The following CD82 variants were observed in gnomAD, a reference collection of about 807,000 sequenced individuals.
CD82 encodes CD82 antigen.
CD82 carries 36 observed loss-of-function variants against 37.4 expected under a neutral mutation model. That is an observed-to-expected ratio of 0.96 (90% confidence interval 0.74 to 1.27). CD82 has a LOEUF of 1.27. Among genes scored for constraint, CD82 ranks in the 50% most tolerant of loss-of-function variants. CD82 has a pLI of 0.00. For synonymous variants in CD82, 158 were observed against 137.4 expected (o/e 1.15, Z -1.05); for missense variants, 340 against 347.0 (o/e 0.98, Z 0.16).
chr11:44,619,092 A>T lies in CD82; in HGVS notation c.770A>T (p.His257Leu). Reference sequence around the variant, plus strand: ...TCCATCTGCTTGTGCCGGCACGTCCATTCCGAAGACTACAGCAAGGTCCCC... The same window carrying T: ...TCCATCTGCTTGTGCCGGCACGTCCTTTCCGAAGACTACAGCAAGGTCCCC... ...VLSICLCRHVHSEDYSKVPKY is the reference protein window; with the variant it reads ...VLSICLCRHVLSEDYSKVPKY Residue 257 changes from histidine (H) to leucine (L), a missense_variant, in exon 10 of 10, where the codon CAT (histidine) becomes CTT (leucine). Physicochemically the swap from His to Leu is moderately conservative, Grantham distance 99. Coordinates refer to ENST00000227155, the MANE Select transcript of CD82 (RefSeq NM_002231.4). 6.2e-7 allele frequency: 1 copy of T among 1,613,482 alleles called. No individual in the cohort carries two copies. The highest frequency in any genetic ancestry group is 8.5e-7 in the Non-Finnish European group (1 of 1,179,828).
chr11:44,586,716 C>T (rs1372186144), intron 1 of CD82, among the ~76,000 whole-genome samples: 1 of 152,196 alleles, frequency 6.6e-6, no homozygotes, highest in Non-Finnish European at 1.5e-5. Flanking sequence ...CCCATCTCTA[C>T]CCCAATCCAG....
At chr11:44,609,544 T>G (rs951063061) in intron 6 of CD82, among the ~76,000 whole-genome samples, 2 of 152,104 alleles carry the variant, frequency 1.3e-5, no homozygotes, top group Non-Finnish European at 2.9e-5. Flanking sequence ...CCCAGAGATG[T>G]TGGTCAGGGG....
intron 3 of CD82, among the ~76,000 whole-genome samples, chr11:44,596,025 T>A (rs1242881903): frequency 6.6e-6 from 1 of 151,888 alleles, no homozygotes; most frequent in African/African-American, 2.4e-5. Context: ...CATACACGCA[T>A]GCACACACAC....
Position 44,594,641 on chromosome 11 carries a change from A to G in CD82, c.-20-2A>G. 1 of 1,605,360 alleles carries G rather than the reference A, an allele frequency of 6.2e-7. No individual in the cohort carries two copies. Among genetic ancestry groups the G allele is most frequent in the Non-Finnish European group, 8.5e-7 (1 of 1,171,952 alleles). On this transcript the variant is annotated splice_acceptor_variant, in intron 2 of 9. Coordinates refer to ENST00000227155, the MANE Select transcript of CD82 (RefSeq NM_002231.4). LOFTEE classifies it low-confidence loss of function (5UTR_SPLICE). ...CTGGCCTGCCTGCCTTCTCTCTTCC[A>G]GGAAGCTCCAGGACTGGCGGGATGG...
At chr11:44,574,605 G>C (rs973954964) in intron 1 of CD82, among the ~76,000 whole-genome samples, 1 of 152,178 alleles carries the variant, frequency 6.6e-6, no homozygotes, top group Non-Finnish European at 1.5e-5. Flanking sequence ...GAAGAAAGAG[G>C]GTTTTTTTTG....
chr11:44,609,137 G>A (rs73458587), intron 6 of CD82, among the ~76,000 whole-genome samples: 3,105 of 152,244 alleles, frequency 0.02, 105 homozygotes, highest in African/African-American at 0.072. Context: ...AGCCTCTGGT[G>A]AGCAGAGCCC....
At chr11:44,614,273 C>A (rs1027298601) in intron 6 of CD82, among the ~76,000 whole-genome samples, 1 of 152,198 alleles carries the variant, frequency 6.6e-6, no homozygotes, top group Non-Finnish European at 1.5e-5. Flanking sequence ...GTCTTGGGGG[C>A]CCTGTTTGGA....
Position 44,619,289 on chromosome 11 carries a change from G to A in CD82, c.*163G>A. 1.6e-6 allele frequency: 1 copy of A among 612,930 alleles called. No homozygotes were observed. Among genetic ancestry groups the A allele is most frequent in the South Asian group, 1.9e-5 (1 of 52,652 alleles). 38.0% of individuals were successfully genotyped at this position (612,930 alleles called of 1,614,324 possible). ...TTCTGGGGCCTAGCGATCTCTCCTGGCCTATCCGCTGCCAGCCTTGAGCCC... is the reference window on the plus strand; with the variant it reads ...TTCTGGGGCCTAGCGATCTCTCCTGACCTATCCGCTGCCAGCCTTGAGCCC... On this transcript the variant is annotated 3_prime_UTR_variant, in exon 10 of 10. Transcript: ENST00000227155.
intron 1 of CD82, chr11:44,566,317 T>C (rs576728423): frequency 2.8e-4 from 43 of 152,318 alleles, no homozygotes; most frequent in African/African-American, 1.0e-3. Context: ...GGAAACTCAG[T>C]GGGGCTTTTC....
intron 3 of CD82, among the ~76,000 whole-genome samples, chr11:44,599,794 GT>G (rs1565089652): frequency 6.6e-6 from 1 of 152,246 alleles, no homozygotes; most frequent in East Asian, 1.9e-4. Context: ...AGCCTTTCTT[GT>G]TTGGGAAGCT....
Position 44,605,092 on chromosome 11 carries a change from T to A in CD82, c.171T>A (p.Tyr57Ter), listed in dbSNP as rs143270517. Residue 57 changes from tyrosine (Y) to a stop codon, truncating the protein, a stop_gained, in exon 5 of 10, where the codon TAT becomes TAA. Coordinates refer to ENST00000227155, the MANE Select transcript of CD82 (RefSeq NM_002231.4). LOFTEE classifies it high-confidence loss of function. ...CCAGCTCGCTTAGGATGGGGGCCTA[T>A]GTCTTCATCGGCGTGGGGGCAGTCA... ...TSSSSLRMGA[Y>*]VFIGVGAVTM... 3 of 1,614,102 alleles carry A rather than the reference T, an allele frequency of 1.9e-6. No homozygotes were observed. The highest frequency in any genetic ancestry group is 1.7e-5 in the Admixed American group (1 of 60,014).
chr11:44,577,193 A>AG (rs1269585804), intron 1 of CD82, among the ~76,000 whole-genome samples: 7 of 152,112 alleles, frequency 4.6e-5, no homozygotes, highest in Admixed American at 1.3e-4. Context: ...GTGGGGAAGG[A>AG]GGGGTTCAGC....
At chr11:44,586,925 C>T (rs1043539062) in intron 1 of CD82, among the ~76,000 whole-genome samples, 3 of 152,202 alleles carry the variant, frequency 2.0e-5, no homozygotes, top group Non-Finnish European at 2.9e-5. Flanking sequence ...CCTTGAGGAG[C>T]CCATATTCTA....
At chr11:44,595,592 G>A (rs10838312) in intron 3 of CD82, among the ~76,000 whole-genome samples, 38,070 of 151,922 alleles carry the variant, frequency 0.25, 5,865 homozygotes, top group East Asian at 0.53. Flanking sequence ...ATTTTTGAGA[G>A]GAGAAGAAAA....
intron 7 of CD82, among the ~76,000 whole-genome samples, chr11:44,615,892 C>T (rs1286080471): frequency 6.6e-6 from 1 of 152,176 alleles, no homozygotes; most frequent in African/African-American, 2.4e-5. Flanking sequence ...ATTATACCTC[C>T]ATTAAAGTGA....
Position 44,605,115 on chromosome 11 carries a change from T to A in CD82, c.194T>A (p.Val65Asp), listed in dbSNP as rs1219930695. ...GAYVFIGVGA[V>D]TMLMGFLGCI... Reference sequence around the variant, plus strand: ...TATGTCTTCATCGGCGTGGGGGCAGTCACTATGCTCATGGGCTTCCTGGGC... The same window carrying A: ...TATGTCTTCATCGGCGTGGGGGCAGACACTATGCTCATGGGCTTCCTGGGC... The change falls in exon 5 of 10, where the codon GTC (valine) becomes GAC (aspartate). Residue 65 changes from valine to aspartate, a missense_variant. By Grantham distance (152) the Val-to-Asp change is radical (BLOSUM62 -3). Transcript: ENST00000227155. 1.9e-6 allele frequency: 3 copies of A among 1,614,062 alleles called. No individual in the cohort carries two copies. In the African/African-American group the frequency reaches 4.0e-5, roughly 22 times the overall value.
At chr11:44,574,273 T>G (rs1852856934) in intron 1 of CD82, among the ~76,000 whole-genome samples, 1 of 152,200 alleles carries the variant, frequency 6.6e-6, no homozygotes. Flanking sequence ...ACCTGCCCAG[T>G]CTGATCCCAT....
intron 1 of CD82, among the ~76,000 whole-genome samples, chr11:44,579,370 G>T (rs546918600): frequency 2.6e-5 from 4 of 152,096 alleles, no homozygotes; most frequent in Non-Finnish European, 4.4e-5. Flanking sequence ...GGCTCCAGGG[G>T]TGGGTGTGGG....
chr11:44,601,289 C>G (rs561039047), intron 4 of CD82, among the ~76,000 whole-genome samples: 1 of 152,068 alleles, frequency 6.6e-6, no homozygotes, highest in African/African-American at 2.4e-5. Context: ...ACATCTGTCC[C>G]CCTGGCCCCA....
Sources: allele counts gnomAD v4.1 joint callset (sites outside exome capture counted in the v4.1 genomes callset), GRCh38; gene constraint gnomAD v4.1.1; transcripts MANE v1.5; gene names NCBI Gene and HGNC (gene_info 2026-07-23, HGNC 2026-07-21).